The following GRIA3 variants were observed in gnomAD, a reference collection of about 807,000 sequenced individuals.
GRIA3 encodes the protein glutamate receptor 3.
In GRIA3, 3 loss-of-function variants were observed where a neutral mutation model predicts 63.0. The ratio of observed to expected loss-of-function variants is 0.05; its 90% CI spans 0.02 to 0.12. The LOEUF is 0.12. Among genes scored for constraint, GRIA3 ranks in the 10% least tolerant of loss-of-function variants. The pLI is 1.00. For synonymous variants in GRIA3, 274 were observed against 257.9 expected (o/e 1.06, Z -0.60); for missense variants, 347 against 700.9 (o/e 0.50, Z 5.70).
chrX:123,475,905 A>T, intron 13 of GRIA3, among the ~76,000 whole-genome samples: 1 of 111,660 alleles, frequency 9.0e-6, no homozygotes, highest in East Asian at 2.8e-4. Context: ...AATGTATATT[A>T]ATTGGCCTCT....
intron 4 of GRIA3, among the ~76,000 whole-genome samples, chrX:123,353,844 A>C (rs2045115018): frequency 8.9e-6 from 1 of 111,835 alleles, no homozygotes; most frequent in African/African-American, 3.3e-5. Flanking sequence ...TACTCATTGT[A>C]GTACTTTGTA....
At chrX:123,473,834 C>T (rs181139933) in intron 13 of GRIA3, among the ~76,000 whole-genome samples, 143 of 112,060 alleles carry the variant, frequency 1.3e-3, no homozygotes, top group African/African-American at 4.5e-3. Flanking sequence ...TATGCAAATG[C>T]ACCACCCTTG....
intron 10 of GRIA3, among the ~76,000 whole-genome samples, chrX:123,406,574 A>G (rs1404068891): frequency 2.7e-5 from 3 of 111,618 alleles, no homozygotes; most frequent in Non-Finnish European, 5.6e-5. Context: ...AAGGTAACAA[A>G]AGCAAAGCTG....
intron 3 of GRIA3, among the ~76,000 whole-genome samples, chrX:123,282,820 C>T (rs1284592229): frequency 8.9e-6 from 1 of 112,502 alleles, no homozygotes; most frequent in Non-Finnish European, 1.9e-5. Context: ...GCAAGAGAAT[C>T]GCTTGTACCA....
chrX:123,332,362 T>G (rs1035218383), intron 4 of GRIA3, among the ~76,000 whole-genome samples: 1 of 112,047 alleles, frequency 8.9e-6, no homozygotes, highest in Non-Finnish European at 1.9e-5. Flanking sequence ...GTTTCAGATA[T>G]TATTTTAAGC....
At chrX:123,372,442 G>C (rs747888870) in intron 5 of GRIA3, among the ~76,000 whole-genome samples, 31 of 111,843 alleles carry the variant, frequency 2.8e-4, no homozygotes, top group Middle Eastern at 4.7e-3. Context: ...GGATTGTATT[G>C]AATCTGTAGA....
intron 4 of GRIA3, among the ~76,000 whole-genome samples, chrX:123,348,415 G>A (rs1006408006): frequency 9.0e-6 from 1 of 111,497 alleles, no homozygotes; most frequent in Non-Finnish European, 1.9e-5. Flanking sequence ...AAACATGGTC[G>A]TGTTAAAGAA....
intron 13 of GRIA3, among the ~76,000 whole-genome samples, chrX:123,475,913 T>C (rs908552666): frequency 2.7e-5 from 3 of 111,752 alleles, no homozygotes; most frequent in African/African-American, 9.8e-5. Flanking sequence ...TTAATTGGCC[T>C]CTTGACCCAC....
chrX:123,227,706 C>A (rs1270343263), intron 2 of GRIA3, among the ~76,000 whole-genome samples: 2 of 112,137 alleles, frequency 1.8e-5, no homozygotes, highest in Admixed American at 9.4e-5. Context: ...TTTTTCTCTA[C>A]CATGAGGCAA....
At chrX:123,373,465 T>G (rs1422421686) in intron 5 of GRIA3, among the ~76,000 whole-genome samples, 1 of 111,853 alleles carries the variant, frequency 8.9e-6, no homozygotes, top group Non-Finnish European at 1.9e-5. Flanking sequence ...GTTGAACTAG[T>G]TTACACTCCC....
chrX:123,355,564 C>T (rs1312692539), intron 5 of GRIA3, among the ~76,000 whole-genome samples: 1 of 112,219 alleles, frequency 8.9e-6, no homozygotes, highest in Admixed American at 9.5e-5. Flanking sequence ...TCTGGAAGGA[C>T]AATTTGTTTA....
intron 2 of GRIA3, among the ~76,000 whole-genome samples, chrX:123,215,181 A>C (rs1928129764): frequency 8.9e-6 from 1 of 112,098 alleles, no homozygotes; most frequent in Non-Finnish European, 1.9e-5. Flanking sequence ...CAATGCACAG[A>C]ACAAGTCCCA....
intron 4 of GRIA3, among the ~76,000 whole-genome samples, chrX:123,352,773 G>C (rs1603108095): frequency 9.0e-6 from 1 of 110,823 alleles, no homozygotes. Flanking sequence ...TTCAACAAAT[G>C]TATGGTCCCA....
intron 4 of GRIA3, among the ~76,000 whole-genome samples, chrX:123,349,143 T>C (rs190104694): frequency 6.2e-5 from 7 of 112,481 alleles, no homozygotes; most frequent in African/African-American, 1.9e-4. Flanking sequence ...ATAATAGTCA[T>C]GTGATATGCA....
chrX:123,387,333 T>G (rs979475962), intron 5 of GRIA3, among the ~76,000 whole-genome samples: 11 of 111,864 alleles, frequency 9.8e-5, no homozygotes, highest in African/African-American at 2.9e-4. Context: ...ATCTAAGAAT[T>G]TCTTGGTGGA....
chrX:123,483,111 C>CTTTTTTTTTTTTTTTTTT, intron 15 of GRIA3, 65 bp downstream of exon 15: 2 of 741,866 alleles, frequency 2.7e-6, no homozygotes, highest in African/African-American at 4.6e-5. Flanking sequence ...TTTTTTTCTT[C>CTTTTTTTTTTTTTTTTTT]TTTTTTTTTT....
intron 5 of GRIA3, among the ~76,000 whole-genome samples, chrX:123,369,253 G>A (rs112784806): frequency 1.6e-4 from 18 of 112,221 alleles, no homozygotes; most frequent in African/African-American, 5.5e-4. Context: ...AACATGCTAT[G>A]AGCAAGAATA....
rs189912940 is a variant in GRIA3, at chrX:123,318,615, T to C, written c.509-7411T>C. ...GCTCCAGTTCCCAACAAGTTCCTCA[T>C]CTCCATGTGAGACCACCTCAGCCTG... On this transcript the variant is annotated intron_variant, in intron 3 of 15. Coordinates refer to ENST00000620443, the MANE Select transcript of GRIA3 (RefSeq NM_007325.5). Among the ~76,000 whole-genome samples the C allele has an allele frequency of 2.4e-4, 27 of 111,887 alleles. No homozygotes were observed. In the East Asian group the frequency reaches 4.5e-3, roughly 19 times the overall value.
At chrX:123,342,745 G>A (rs1050757697) in intron 4 of GRIA3, among the ~76,000 whole-genome samples, 1 of 111,859 alleles carries the variant, frequency 8.9e-6, no homozygotes, top group East Asian at 2.8e-4. Flanking sequence ...TATGAACCAA[G>A]CACAAAGCTT....
Sources: allele counts gnomAD v4.1 joint callset (sites outside exome capture counted in the v4.1 genomes callset), GRCh38; gene constraint gnomAD v4.1.1; transcripts MANE v1.5; gene names NCBI Gene and HGNC (gene_info 2026-07-23, HGNC 2026-07-21).